The following PCDH17 variants were observed in gnomAD, a reference collection of about 807,000 sequenced individuals.
PCDH17 encodes protocadherin 17.
In PCDH17, 21 loss-of-function variants were observed where a neutral mutation model predicts 67.7. The ratio of observed to expected loss-of-function variants is 0.31; its 90% CI spans 0.22 to 0.45. PCDH17 has a LOEUF of 0.45. Ranked by LOEUF, PCDH17 falls within the 20% of genes least tolerant of loss-of-function variation. PCDH17 has a pLI of 1.00. For synonymous variants in PCDH17, 701 were observed against 656.7 expected (o/e 1.07, Z -1.03); for missense variants, 1,471 against 1,564.8 (o/e 0.94, Z 1.01).
In PCDH17 at chr13:57,685,687, T is replaced by C. The variant is rs991468894; in HGVS notation, c.2797+18854T>C. Among the ~76,000 whole-genome samples, 8 of 152,064 alleles carry C rather than the reference T, an allele frequency of 5.3e-5. No individual in the cohort carries two copies. The East Asian group carries it at 5.8e-4, about 11-fold the overall frequency. The stretch of plus-strand genomic sequence containing the variant: ...TGGGTGTGTGGTTTGTGTGATGAAA[T>C]TGTAATCAATTTTATATAGAATAAA... On this transcript the variant is annotated intron_variant, in intron 3 of 3. Coordinates refer to ENST00000377918, the MANE Select transcript of PCDH17 (RefSeq NM_001040429.3).
At chr13:57,682,788 C>G (rs1232075924) in intron 3 of PCDH17, among the ~76,000 whole-genome samples, 1 of 151,750 alleles carries the variant, frequency 6.6e-6, no homozygotes, top group African/African-American at 2.4e-5. Context: ...TTTAGAGAAC[C>G]TGAAGTTGAT....
Position 57,666,479 on chromosome 13 carries a change from T to C in PCDH17, c.2577T>C (p.Phe859=). ...TRMSIIQTDN[F]PAEPNYMGSR... ...CTTCTCTTTCACAGACAGACAATTT[T>C]CCCGCAGAGCCCAATTACATGGGCA... Residue 859 remains phenylalanine, a synonymous_variant, in exon 2 of 4, where the codon TTT becomes TTC. Coordinates refer to ENST00000377918, the MANE Select transcript of PCDH17 (RefSeq NM_001040429.3). 1 of 1,613,806 alleles carries C rather than the reference T, an allele frequency of 6.2e-7. No individual in the cohort carries two copies. The highest frequency in any genetic ancestry group is 2.2e-5 in the East Asian group (1 of 44,872).
chr13:57,635,827 A>G (rs1593890114), intron 1 of PCDH17, among the ~76,000 whole-genome samples: 1 of 152,192 alleles, frequency 6.6e-6, no homozygotes, highest in Admixed American at 6.5e-5. Flanking sequence ...TATCTATGAA[A>G]AGTTTGTATT....
chr13:57,632,758 C>T lies in PCDH17; in HGVS notation c.212C>T (p.Ala71Val), dbSNP rs761970855. The change falls in exon 1 of 4, where the codon GCA becomes GTA. Residue 71 changes from alanine to valine, a missense_variant. By Grantham distance (64) the Ala-to-Val change is moderately conservative (BLOSUM62 0). Around this residue, in one of 3 missense-constraint regions of PCDH17, gnomAD observed 1,163 missense variants for 1,230.0 expected, o/e 0.95. Transcript: ENST00000377918. ...AGCTACCGGGTGCTGGAGAACTCCGCACCGCACCTGCTGGACGTGGACGCA... is the reference window on the plus strand; with the variant it reads ...AGCTACCGGGTGCTGGAGAACTCCGTACCGCACCTGCTGGACGTGGACGCA... ...SGSYRVLENSAPHLLDVDADS... is the reference protein window; with the variant it reads ...SGSYRVLENSVPHLLDVDADS... 25 of 1,612,678 alleles carry T rather than the reference C, an allele frequency of 1.6e-5. No individual in the cohort carries two copies. Among genetic ancestry groups the T allele is most frequent in the African/African-American group, 1.3e-5 (1 of 74,924 alleles).
In PCDH17 at chr13:57,633,463, A is replaced by G. The variant is rs764026979; in HGVS notation, c.917A>G (p.Lys306Arg). 5.0e-6 allele frequency: 8 copies of G among 1,613,628 alleles called. No homozygotes were observed. The highest frequency in any genetic ancestry group is 3.3e-5 in the Admixed American group (2 of 60,008). ...IDPKTGLIRV[K>R]GNLDYEENGM... The stretch of plus-strand genomic sequence containing the variant: ...CCCAAGACCGGCCTAATCCGTGTGA[A>G]GGGCAATCTGGACTATGAGGAAAAC... The change falls in exon 1 of 4, where the codon AAG (lysine) becomes AGG (arginine). Residue 306 changes from lysine (K) to arginine (R), a missense_variant. By Grantham distance (26) the Lys-to-Arg change is conservative (BLOSUM62 2). Coordinates refer to ENST00000377918, the MANE Select transcript of PCDH17 (RefSeq NM_001040429.3). The surrounding 1 kb of genome is among the most constrained non-coding windows in gnomAD (Gnocchi z 6.2).
Position 57,634,549 on chromosome 13 carries a change from A to T in PCDH17, c.2003A>T (p.His668Leu). Residue 668 changes from histidine (H) to leucine (L), a missense_variant, in exon 1 of 4, where the codon CAC becomes CTC. Around this residue, in one of 3 missense-constraint regions of PCDH17, gnomAD observed 1,163 missense variants for 1,230.0 expected, o/e 0.95. Transcript: ENST00000377918. This position sits in a 1 kb window ranked among gnomAD's most constrained non-coding sequence, Gnocchi z 7.8. The stretch of plus-strand genomic sequence containing the variant: ...GAGCTGGTGGTGAAGGTGACCGACC[A>T]CGGCAAGCCTACCCTGTCCGCAGTG... ...VVELVVKVTD[H>L]GKPTLSAVAK... 1 of 1,613,006 alleles carries T rather than the reference A, an allele frequency of 6.2e-7. No individual in the cohort carries two copies. The highest frequency in any genetic ancestry group is 8.5e-7 in the Non-Finnish European group (1 of 1,179,984).
intron 3 of PCDH17, among the ~76,000 whole-genome samples, chr13:57,703,500 T>C (rs1955688241): frequency 6.6e-6 from 1 of 152,238 alleles, no homozygotes; most frequent in East Asian, 1.9e-4. Flanking sequence ...CATAAAATCA[T>C]GTCTATGTCC....
At chr13:57,646,411 ATTT>A (rs908942585) in intron 1 of PCDH17, among the ~76,000 whole-genome samples, 1 of 151,544 alleles carries the variant, frequency 6.6e-6, no homozygotes, top group Non-Finnish European at 1.5e-5. Flanking sequence ...CTGGTTTTTC[ATTT>A]TTTTATTTGT....
chr13:57,682,311 A>C (rs1302200625), intron 3 of PCDH17, among the ~76,000 whole-genome samples: 1 of 151,606 alleles, frequency 6.6e-6, no homozygotes, highest in Non-Finnish European at 1.5e-5. Context: ...ACTCACCCCC[A>C]GTGTATCTCC....
chr13:57,728,429 G>A lies in PCDH17; in HGVS notation c.*3135G>A, dbSNP rs1256056648. 4 of 138,626 alleles carry A rather than the reference G, an allele frequency of 2.9e-5. No individual in the cohort carries two copies. Among genetic ancestry groups the A allele is most frequent in the Non-Finnish European group, 6.1e-5 (4 of 65,336 alleles). 8.6% of individuals were successfully genotyped at this position (138,626 alleles called of 1,614,324 possible). A position where few individuals can be genotyped will look rare whatever the true frequency, so the allele number is the denominator to read the frequency against. ...ACCACTTTGTCTTTTAGGTCTTTAAGTAACTGAAGTTAAGCACAGAAAAAA... is the reference window on the plus strand; with the variant it reads ...ACCACTTTGTCTTTTAGGTCTTTAAATAACTGAAGTTAAGCACAGAAAAAA... On this transcript the variant is annotated 3_prime_UTR_variant, in exon 4 of 4. Coordinates refer to ENST00000377918, the MANE Select transcript of PCDH17 (RefSeq NM_001040429.3).
intron 3 of PCDH17, among the ~76,000 whole-genome samples, chr13:57,693,546 A>G (rs1407498243): frequency 1.3e-5 from 2 of 149,878 alleles, no homozygotes; most frequent in Non-Finnish European, 3.0e-5. Context: ...CATATATACA[A>G]TTTCTTAAGT....
chr13:57,697,382 C>T (rs1955620467), intron 3 of PCDH17, among the ~76,000 whole-genome samples: 2 of 151,466 alleles, frequency 1.3e-5, no homozygotes, highest in South Asian at 4.2e-4. Context: ...TTTAAGTTAT[C>T]CTTTTAGATT....
intron 3 of PCDH17, among the ~76,000 whole-genome samples, chr13:57,671,109 G>T (rs1253237381): frequency 6.6e-6 from 1 of 151,712 alleles, no homozygotes; most frequent in African/African-American, 2.4e-5. Context: ...TAGTTAATTA[G>T]ATTTTCTCCA....
chr13:57,634,543 C>A lies in PCDH17; in HGVS notation c.1997C>A (p.Thr666Asn), dbSNP rs371852118. 67 of 1,612,846 alleles carry A rather than the reference C, an allele frequency of 4.2e-5. No individual in the cohort carries two copies. In the Middle Eastern group the frequency reaches 4.9e-4, roughly 12 times the overall value. ...GTGGTGGAGCTGGTGGTGAAGGTGACCGACCACGGCAAGCCTACCCTGTCC... is the reference window on the plus strand; with the variant it reads ...GTGGTGGAGCTGGTGGTGAAGGTGAACGACCACGGCAAGCCTACCCTGTCC... Reference protein sequence around the residue: ...TPVVELVVKVTDHGKPTLSAV... With the variant: ...TPVVELVVKVNDHGKPTLSAV... The change falls in exon 1 of 4, where the codon ACC becomes AAC. Residue 666 changes from threonine to asparagine, a missense_variant. This residue lies in a region of PCDH17 where 1,163 missense variants were observed against 1,230.0 expected (regional missense o/e 0.95). Transcript: ENST00000377918. This position sits in a 1 kb window ranked among gnomAD's most constrained non-coding sequence, Gnocchi z 7.8.
intron 1 of PCDH17, among the ~76,000 whole-genome samples, chr13:57,657,947 T>C (rs945435561): frequency 6.6e-6 from 1 of 152,170 alleles, no homozygotes; most frequent in Non-Finnish European, 1.5e-5. Context: ...TCTTAATGAC[T>C]TCAAAAAGTC....
chr13:57,679,349 C>T (rs1955425406), intron 3 of PCDH17, among the ~76,000 whole-genome samples: 1 of 103,980 alleles, frequency 9.6e-6, no homozygotes, highest in Non-Finnish European at 1.9e-5. Flanking sequence ...TAGGAATCTT[C>T]AGACTGAATA....
chr13:57,682,379 T>A lies in PCDH17; in HGVS notation c.2797+15546T>A, dbSNP rs1325632008. 2.0e-5 allele frequency among the ~76,000 whole-genome samples: 3 copies of A among 151,902 alleles called. 1 individual carries two copies. In the Admixed American group the frequency reaches 2.0e-4, roughly 10 times the overall value. ...CTCTCAGGTGGTCACATGTATTCTC[T>A]GTTGTCCTGTTACTCAATCACCAAC... On this transcript the variant is annotated intron_variant, in intron 3 of 3. Coordinates refer to ENST00000377918, the MANE Select transcript of PCDH17 (RefSeq NM_001040429.3).
At chr13:57,631,740 C>A (rs1450341554), upstream of PCDH17, 3 of 151,358 alleles carry the variant, frequency 2.0e-5, no homozygotes, top group East Asian at 5.9e-4. Context: ...TAGTTCTTTA[C>A]GCTGCATTTC....
At chr13:57,669,529 T>C (rs891391847) in intron 3 of PCDH17, among the ~76,000 whole-genome samples, 1 of 152,098 alleles carries the variant, frequency 6.6e-6, no homozygotes, top group Non-Finnish European at 1.5e-5. Flanking sequence ...TCAGTCTGTC[T>C]TTCAACTATC....
Sources: allele counts gnomAD v4.1 joint callset (sites outside exome capture counted in the v4.1 genomes callset), GRCh38; gene constraint gnomAD v4.1.1; regional missense constraint gnomAD v4.1.1; non-coding constraint Gnocchi (gnomAD v3.1); transcripts MANE v1.5; gene names NCBI Gene and HGNC (gene_info 2026-07-23, HGNC 2026-07-21).